NKAIN3: variants seen among roughly 807,000 people sequenced by gnomAD.
NKAIN3 encodes sodium/potassium transporting ATPase interacting 3.
In NKAIN3, 25 loss-of-function variants were observed where a neutral mutation model predicts 30.2. That is an observed-to-expected ratio of 0.83 (90% CI 0.60 to 1.16). NKAIN3 has a LOEUF of 1.16. Ranked by LOEUF, NKAIN3 falls within the 50% of genes most tolerant of loss-of-function variation. The pLI, the probability that NKAIN3 is intolerant of heterozygous loss-of-function variation, is 0.00. For synonymous variants in NKAIN3, 91 were observed against 89.6 expected (o/e 1.02, Z -0.09); for missense variants, 225 against 254.1 (o/e 0.89, Z 0.78).
intron 1 of NKAIN3, among the ~76,000 whole-genome samples, chr8:62,508,996 C>A (rs1232047000): frequency 6.6e-6 from 1 of 152,142 alleles, no homozygotes; most frequent in Non-Finnish European, 1.5e-5. Context: ...CCCCAGTATG[C>A]ATGGCTCTGT....
chr8:62,491,432 G>A (rs1020668279), intron 1 of NKAIN3, among the ~76,000 whole-genome samples: 3 of 152,154 alleles, frequency 2.0e-5, no homozygotes, highest in Admixed American at 1.3e-4. Flanking sequence ...GAGTGTCAGA[G>A]CTTCCCTTGC....
At chr8:62,293,920 T>G (rs1042361870) in intron 1 of NKAIN3, among the ~76,000 whole-genome samples, 3 of 152,166 alleles carry the variant, frequency 2.0e-5, no homozygotes, top group African/African-American at 7.2e-5. Flanking sequence ...GTTTACTTAC[T>G]CAAGCCTCAG....
chr8:62,699,775 G>A (rs1311955145), intron 3 of NKAIN3, among the ~76,000 whole-genome samples: 1 of 152,174 alleles, frequency 6.6e-6, no homozygotes, highest in Non-Finnish European at 1.5e-5. Context: ...AGTATCTTAT[G>A]TTATTCAAAC....
chr8:62,728,712 C>T (rs1415553913), intron 3 of NKAIN3, among the ~76,000 whole-genome samples: 2 of 151,264 alleles, frequency 1.3e-5, no homozygotes, highest in African/African-American at 4.9e-5. Flanking sequence ...TACTCCTGGC[C>T]GGGCGCAGTG....
At chr8:62,883,324 A>G (rs917991173) in intron 4 of NKAIN3, among the ~76,000 whole-genome samples, 1 of 151,948 alleles carries the variant, frequency 6.6e-6, no homozygotes, top group Non-Finnish European at 1.5e-5. Context: ...GTTCTAATGT[A>G]AATGGTATTG....
intron 3 of NKAIN3, among the ~76,000 whole-genome samples, chr8:62,607,498 G>GAAAA (rs570688359): frequency 6.6e-6 from 1 of 151,912 alleles, no homozygotes; most frequent in African/African-American, 2.4e-5. Context: ...ATTTCTTGGA[G>GAAAA]AAAAAAATGT....
intron 1 of NKAIN3, among the ~76,000 whole-genome samples, chr8:62,545,541 C>A (rs1241180169): frequency 1.3e-5 from 2 of 152,094 alleles, no homozygotes; most frequent in Non-Finnish European, 2.9e-5. Context: ...TGCACTCTAG[C>A]CTGAGCAACA....
At chr8:62,817,052 C>T (rs779104215) in intron 4 of NKAIN3, among the ~76,000 whole-genome samples, 3 of 152,128 alleles carry the variant, frequency 2.0e-5, no homozygotes, top group Admixed American at 6.5e-5. Flanking sequence ...TTCTCCCAGC[C>T]AGGTGCTTTG....
chr8:62,438,960 T>G (rs569226453), intron 1 of NKAIN3, among the ~76,000 whole-genome samples: 2 of 152,184 alleles, frequency 1.3e-5, no homozygotes, highest in South Asian at 4.1e-4. Context: ...AATGCTGGTG[T>G]TGGGAAACTG....
At chr8:62,738,971 C>T (rs1027444111) in intron 3 of NKAIN3, among the ~76,000 whole-genome samples, 7 of 152,158 alleles carry the variant, frequency 4.6e-5, no homozygotes, top group Non-Finnish European at 5.9e-5. Flanking sequence ...TGCAGGGACA[C>T]GGATGAAGCT....
At chr8:62,857,575 C>G (rs1232045705) in intron 4 of NKAIN3, among the ~76,000 whole-genome samples, 2 of 152,130 alleles carry the variant, frequency 1.3e-5, no homozygotes, top group East Asian at 3.8e-4. Context: ...TTCTTTTCTG[C>G]CAGTCTTATT....
intron 4 of NKAIN3, among the ~76,000 whole-genome samples, chr8:62,766,213 A>G (rs1816833475): frequency 6.6e-6 from 1 of 152,250 alleles, no homozygotes; most frequent in South Asian, 2.1e-4. Context: ...GTGGAGGCAT[A>G]TAATAGATTT....
At chr8:62,358,564 G>C (rs143474201) in intron 1 of NKAIN3, among the ~76,000 whole-genome samples, 1 of 152,104 alleles carries the variant, frequency 6.6e-6, no homozygotes, top group Non-Finnish European at 1.5e-5. Flanking sequence ...TGTGTAATTT[G>C]TAAGAGATGG....
At chr8:62,561,738 A>G (rs1197826699) in intron 1 of NKAIN3, among the ~76,000 whole-genome samples, 2 of 152,172 alleles carry the variant, frequency 1.3e-5, no homozygotes, top group Non-Finnish European at 2.9e-5. Context: ...CAAAATAATG[A>G]TGGGCAAATA....
Position 62,281,734 on chromosome 8 carries a change from T to C in NKAIN3, c.54+32607T>C, listed in dbSNP as rs745604432. Reference sequence around the variant, plus strand: ...TTCTAGTTTATGGTGGTTGTTTAGATATATTAAGCATGTATTTATATGCAT... The same window carrying C: ...TTCTAGTTTATGGTGGTTGTTTAGACATATTAAGCATGTATTTATATGCAT... On this transcript the variant is annotated intron_variant, in intron 1 of 6. Coordinates refer to ENST00000623646, the MANE Select transcript of NKAIN3 (RefSeq NM_001304533.3). Among the ~76,000 whole-genome samples, 38 of 152,120 alleles carry C rather than the reference T, an allele frequency of 2.5e-4. 2 individuals are homozygous for C. Among genetic ancestry groups the C allele is most frequent in the Non-Finnish European group, 1.5e-5 (1 of 67,992 alleles).
At chr8:62,517,207 A>G (rs1350766308) in intron 1 of NKAIN3, among the ~76,000 whole-genome samples, 1 of 152,182 alleles carries the variant, frequency 6.6e-6, no homozygotes, top group African/African-American at 2.4e-5. Context: ...TAATCATAAA[A>G]TATAATGCTG....
At chr8:62,252,417 A>G (rs754899864) in intron 1 of NKAIN3, among the ~76,000 whole-genome samples, 21 of 152,230 alleles carry the variant, frequency 1.4e-4, no homozygotes, top group Non-Finnish European at 2.2e-4. Context: ...ATAAAAACTC[A>G]AATTGGGAAA....
chr8:62,427,314 C>G (rs1303719675), intron 1 of NKAIN3, among the ~76,000 whole-genome samples: 2 of 151,982 alleles, frequency 1.3e-5, no homozygotes, highest in African/African-American at 2.4e-5. Context: ...TGAGGCCTTG[C>G]TATTCACCAG....
chr8:62,426,962 G>A (rs4237054), intron 1 of NKAIN3, among the ~76,000 whole-genome samples: 20,894 of 151,956 alleles, frequency 0.14, 1,724 homozygotes, highest in East Asian at 0.4. Flanking sequence ...GTAAGCACCT[G>A]TAGATCACAG....
Sources: allele counts gnomAD v4.1 joint callset (sites outside exome capture counted in the v4.1 genomes callset), GRCh38; gene constraint gnomAD v4.1.1; transcripts MANE v1.5; gene names NCBI Gene and HGNC (gene_info 2026-07-23, HGNC 2026-07-21).